Variants in SLC35B3 observed in about 807,000 individuals in gnomAD.
SLC35B3 encodes adenosine 3'-phospho 5'-phosphosulfate transporter 2.
A neutral mutation model predicts 44.1 loss-of-function variants in SLC35B3; 35 were observed. That is an observed-to-expected ratio of 0.79 (90% CI 0.61 to 1.05). The LOEUF is 1.05. SLC35B3 is among the 50% of genes least tolerant of loss of function. The pLI is 0.00. For synonymous variants in SLC35B3, 146 were observed against 167.3 expected (o/e 0.87, Z 0.98); for missense variants, 414 against 476.4 (o/e 0.87, Z 1.22).
intron 10 of SLC35B3, among the ~76,000 whole-genome samples, chr6:8,414,417 G>A (rs1363280901): frequency 6.6e-6 from 1 of 152,096 alleles, no homozygotes; most frequent in Non-Finnish European, 1.5e-5. Flanking sequence ...TAAAAGCTTA[G>A]TTTAAAGTCT....
At chr6:8,417,604 G>A in intron 7 of SLC35B3, 110 bp from the exon 7 acceptor site, 1 of 576,132 alleles carries the variant, frequency 1.7e-6, no homozygotes, top group South Asian at 2.8e-5. Context: ...CATTTTAAAA[G>A]AAACATTATA....
intron 10 of SLC35B3, 102 bp from the exon 10 acceptor site, chr6:8,413,801 GT>G: frequency 7.4e-6 from 5 of 679,168 alleles, no homozygotes; most frequent in Non-Finnish European, 1.2e-5. Flanking sequence ...CTTCAGTGAA[GT>G]AAAATTCTAT....
Position 8,435,494 on chromosome 6 carries a change from T to G in SLC35B3, c.-195A>C. 2.2e-6 allele frequency: 2 copies of G among 898,448 alleles called. No homozygotes were observed. The highest frequency in any genetic ancestry group is 3.1e-6 in the Non-Finnish European group (2 of 655,358). The allele number at this position is 898,448 out of a possible 1,614,324, so 55.7% of individuals were successfully genotyped here. A position where few individuals can be genotyped will look rare whatever the true frequency, so the allele number is the denominator to read the frequency against. On this transcript the variant is annotated 5_prime_UTR_variant, in exon 1 of 11. Transcript: ENST00000644923. This position sits in a 1 kb window ranked among gnomAD's most constrained non-coding sequence, Gnocchi z 5.5. ...TGCACTTTCCACCGCGGCGGTCGCCTCCCCGGAAAGCACTCTCAACTCCGG... is the reference window on the plus strand; with the variant it reads ...TGCACTTTCCACCGCGGCGGTCGCCGCCCCGGAAAGCACTCTCAACTCCGG...
Position 8,422,541 on chromosome 6 carries a change from T to A in SLC35B3, c.503A>T (p.Asn168Ile). The A allele has an allele frequency of 1.9e-6, 3 of 1,613,484 alleles. No homozygotes were observed. In the South Asian group the frequency reaches 3.3e-5, roughly 18 times the overall value. ...CTTGAAGATGACTTGGGTAGGGTAA[T>A]TCAGGTAGCCCAAGGAAGTGTTTGA... is the stretch of plus-strand genomic sequence containing the variant. The change falls in exon 5 of 11, where the codon AAT becomes ATT. Residue 168 changes from asparagine to isoleucine, a missense_variant. Transcript: ENST00000644923.
In SLC35B3 at chr6:8,414,907, C is replaced by G; in HGVS notation, c.1055+1G>C. 1 of 1,559,952 alleles carries G rather than the reference C, an allele frequency of 6.4e-7. No homozygotes were observed. The highest frequency in any genetic ancestry group is 8.8e-7 in the Non-Finnish European group (1 of 1,140,548). The stretch of plus-strand genomic sequence containing the variant: ...AAATTGTTTAATTAAGAAGTACTTA[C>G]TGAAACGTGAATGGTTTAGCAAAGA... On this transcript the variant is annotated splice_donor_variant, in intron 10 of 10. Coordinates refer to ENST00000644923, the MANE Select transcript of SLC35B3 (RefSeq NM_001370476.2). LOFTEE classifies it high-confidence loss of function.
intron 2 of SLC35B3, among the ~76,000 whole-genome samples, chr6:8,431,664 T>C (rs943638714): frequency 6.6e-6 from 1 of 152,246 alleles, no homozygotes; most frequent in Non-Finnish European, 1.5e-5. Flanking sequence ...GTAAGACTTT[T>C]TATGTAATCT....
intron 4 of SLC35B3, among the ~76,000 whole-genome samples, chr6:8,423,277 G>A (rs1763100761): frequency 6.6e-6 from 1 of 152,100 alleles, no homozygotes; most frequent in Admixed American, 6.5e-5. Context: ...TATCCATTCT[G>A]CTAAAATAAC....
intron 5 of SLC35B3, among the ~76,000 whole-genome samples, chr6:8,421,362 A>ATAT (rs145788851): frequency 6.6e-6 from 1 of 152,358 alleles, no homozygotes; most frequent in East Asian, 1.9e-4. Flanking sequence ...TATAACGACA[A>ATAT]TATTATATAT....
Position 8,413,346 on chromosome 6 carries a change from G to T in SLC35B3, c.*203C>A, listed in dbSNP as rs991547308. ...CATTTTATTGTAAAGTCTGCTAGACGTGGCTCTCTTGATTGCTTTGGAAGT... is the reference window on the plus strand; with the variant it reads ...CATTTTATTGTAAAGTCTGCTAGACTTGGCTCTCTTGATTGCTTTGGAAGT... On this transcript the variant is annotated 3_prime_UTR_variant, in exon 11 of 11. Coordinates refer to ENST00000644923, the MANE Select transcript of SLC35B3 (RefSeq NM_001370476.2). 4.3e-4 allele frequency: 204 copies of T among 470,452 alleles called. 2 individuals carry two copies. The highest frequency in any genetic ancestry group is 2.0e-4 in the Admixed American group (5 of 24,392). 29.1% of individuals were successfully genotyped at this position (470,452 alleles called of 1,614,324 possible).
chr6:8,422,675 C>T (rs1294975456), intron 4 of SLC35B3, 51 bp from the exon 4 acceptor site: 1 of 1,415,400 alleles, frequency 7.1e-7, no homozygotes, highest in African/African-American at 1.4e-5. Flanking sequence ...ATTCATACTA[C>T]TAAAAGATAA....
At position 8,426,131 on chromosome 6, in the gene SLC35B3, GAAT is replaced by G. The variant is rs202129683; in HGVS notation, c.419+1803_419+1805del. The stretch of plus-strand genomic sequence containing the variant: ...TATAACTTCACATTCTAAAAAAGCA[GAAT>G]AACAATAGATACAGACTTGGTATCC... On this transcript the variant is annotated intron_variant, in intron 4 of 10. Coordinates refer to ENST00000644923, the MANE Select transcript of SLC35B3 (RefSeq NM_001370476.2). 9.3e-3 allele frequency among the ~76,000 whole-genome samples: 1,411 copies of G among 152,224 alleles called. 21 individuals carry two copies. The highest frequency in any genetic ancestry group is 0.032 in the African/African-American group (1,314 of 41,552).
chr6:8,414,741 G>A (rs983495156), intron 10 of SLC35B3, among the ~76,000 whole-genome samples, 167 bp downstream of exon 9: 1 of 151,664 alleles, frequency 6.6e-6, no homozygotes, highest in African/African-American at 2.4e-5. Flanking sequence ...AGATGAAAAG[G>A]TTTCTTTATA....
chr6:8,417,221 C>A (rs1762488572), intron 8 of SLC35B3, among the ~76,000 whole-genome samples, 181 bp downstream of exon 7: 1 of 151,858 alleles, frequency 6.6e-6, no homozygotes. Context: ...TAGGGTACAG[C>A]AAGGATAAAA....
chr6:8,425,006 A>G (rs925157570), intron 4 of SLC35B3, among the ~76,000 whole-genome samples: 1 of 152,260 alleles, frequency 6.6e-6, no homozygotes, highest in African/African-American at 2.4e-5. Flanking sequence ...ATAAATTCAG[A>G]AAGGTTTCAA....
chr6:8,420,697 T>G lies in SLC35B3; in HGVS notation c.682+24A>C. 1 of 1,552,684 alleles carries G rather than the reference T, an allele frequency of 6.4e-7. No individual in the cohort carries two copies. On this transcript the variant is annotated intron_variant, in intron 6 of 10. Transcript: ENST00000644923. This position sits in a 1 kb window ranked among gnomAD's most constrained non-coding sequence, Gnocchi z 4.4. ...TCTAAACTAAAAAGCCTATAAAAGC[T>G]AGGAATATAAATAAATTACTTACCC...
chr6:8,434,537 ATTCTT>A lies in SLC35B3; in HGVS notation c.-43-112_-43-108del. 1.2e-6 allele frequency: 1 copy of A among 865,842 alleles called. No homozygotes were observed. Among genetic ancestry groups the A allele is most frequent in the Non-Finnish European group, 1.7e-6 (1 of 604,380 alleles). The allele number at this position is 865,842 out of a possible 1,614,324, so 53.6% of individuals were successfully genotyped here. A position where few individuals can be genotyped will look rare whatever the true frequency, so the allele number is the denominator to read the frequency against. On this transcript the variant is annotated intron_variant, in intron 1 of 10. Transcript: ENST00000644923. This position sits in a 1 kb window ranked among gnomAD's most constrained non-coding sequence, Gnocchi z 6.3. The stretch of plus-strand genomic sequence containing the variant: ...AACCCTGTGCTAATGTTTGAAGACT[ATTCTT>A]TTTTTTTTCCAAGAGAAAAAGTTAA...
intron 2 of SLC35B3, among the ~76,000 whole-genome samples, chr6:8,431,749 C>A (rs1047782780): frequency 6.6e-6 from 1 of 152,114 alleles, no homozygotes; most frequent in Non-Finnish European, 1.5e-5. Flanking sequence ...TTTGGTCAAA[C>A]CTGTGCTTGA....
chr6:8,433,584 C>A lies in SLC35B3; in HGVS notation c.3+801G>T, dbSNP rs1045683900. Among the ~76,000 whole-genome samples, 4 of 152,172 alleles carry A rather than the reference C, an allele frequency of 2.6e-5. No homozygotes were observed. The highest frequency in any genetic ancestry group is 9.7e-5 in the African/African-American group (4 of 41,430). On this transcript the variant is annotated intron_variant, in intron 2 of 10. Coordinates refer to ENST00000644923, the MANE Select transcript of SLC35B3 (RefSeq NM_001370476.2). The surrounding 1 kb of genome is among the most constrained non-coding windows in gnomAD (Gnocchi z 4.1). ...CAACTTTATGTGCTGCAGATCTAGGCCATATGTGCAGAATGAAATCTCTCT... is the reference window on the plus strand; with the variant it reads ...CAACTTTATGTGCTGCAGATCTAGGACATATGTGCAGAATGAAATCTCTCT...
intron 4 of SLC35B3, among the ~76,000 whole-genome samples, chr6:8,426,616 A>C (rs2113458367): frequency 6.6e-6 from 1 of 152,282 alleles, no homozygotes; most frequent in South Asian, 2.1e-4. Context: ...GCCATGTGGA[A>C]CTGTAAGTTC....
Sources: allele counts gnomAD v4.1 joint callset (sites outside exome capture counted in the v4.1 genomes callset), GRCh38; gene constraint gnomAD v4.1.1; non-coding constraint Gnocchi (gnomAD v3.1); transcripts MANE v1.5; gene names NCBI Gene and HGNC (gene_info 2026-07-23, HGNC 2026-07-21).